The following RORA variants were observed in gnomAD, a reference collection of about 807,000 sequenced individuals.
The protein encoded by RORA is RAR related orphan receptor A.
Under a neutral mutation model 69.5 loss-of-function variants are expected in RORA, and 7 were observed. The observed-to-expected ratio is 0.10, with a 90% CI of 0.06 to 0.19. The LOEUF is 0.19. Ranked by LOEUF, RORA falls within the 10% of genes least tolerant of loss-of-function variation. The pLI is 1.00. For synonymous variants in RORA, 261 were observed against 240.8 expected (o/e 1.08, Z -0.78); for missense variants, 457 against 663.0 (o/e 0.69, Z 3.41).
intron 1 of RORA, among the ~76,000 whole-genome samples, chr15:60,733,851 G>A (rs2071460645): frequency 6.7e-6 from 1 of 148,664 alleles, no homozygotes; most frequent in Non-Finnish European, 1.5e-5. Context: ...TGGATGGGAA[G>A]TTGAGTTGCC....
chr15:60,585,362 A>AT (rs1223155204), intron 2 of RORA, among the ~76,000 whole-genome samples: 1 of 152,162 alleles, frequency 6.6e-6, no homozygotes, highest in African/African-American at 2.4e-5. Flanking sequence ...CCTCTATCTT[A>AT]TTTTTTAGGC....
chr15:61,009,143 AGCTCTTCAATGCCATC>A lies in RORA; in HGVS notation c.166+219894_166+219909del, dbSNP rs1566942082. ...GTGATTCATCACTTTGAGTATTAACAGCTCTTCAATGCCATCGCTGTTAGAAGAAGAAACTTGGTGT... is the reference window on the plus strand; with the variant it reads ...GTGATTCATCACTTTGAGTATTAACAGCTGTTAGAAGAAGAAACTTGGTGT... On this transcript the variant is annotated intron_variant, in intron 1 of 10. Coordinates refer to ENST00000335670, the MANE Select transcript of RORA (RefSeq NM_134261.3). Among the ~76,000 whole-genome samples, 4 of 152,344 alleles carry A rather than the reference AGCTCTTCAATGCCATC, an allele frequency of 2.6e-5. No homozygotes were observed. The East Asian group carries it at 7.7e-4, about 29-fold the overall frequency.
At position 60,597,611 on chromosome 15, in the gene RORA, T is replaced by C. The variant is rs1388006207; in HGVS notation, c.197-65760A>G. Among the ~76,000 whole-genome samples the C allele has an allele frequency of 4.0e-4, 18 of 44,594 alleles. 2 individuals are homozygous for C. The highest frequency in any genetic ancestry group is 2.1e-3 in the African/African-American group (18 of 8,676). 29.3% of individuals were successfully genotyped at this position (44,594 alleles called of 152,430 possible). On this transcript the variant is annotated intron_variant, in intron 2 of 10. Coordinates refer to ENST00000335670, the MANE Select transcript of RORA (RefSeq NM_134261.3). ...ATATATATACACATATATATATATA[T>C]ATATATACATACATATATATACATA...
At chr15:60,558,526 T>A (rs1250639345) in intron 2 of RORA, 1 of 435,592 alleles carries the variant, frequency 2.3e-6, no homozygotes, top group Non-Finnish European at 4.1e-6. Flanking sequence ...TAAATGCGTA[T>A]GTTTGATGTT....
chr15:60,609,230 C>T (rs539654763), intron 2 of RORA, among the ~76,000 whole-genome samples: 2 of 152,308 alleles, frequency 1.3e-5, no homozygotes, highest in South Asian at 4.2e-4. Context: ...CTCTGCTCCA[C>T]AGACCTTTGC....
chr15:60,555,836 G>C (rs187320563), intron 2 of RORA, among the ~76,000 whole-genome samples: 22 of 152,086 alleles, frequency 1.4e-4, no homozygotes, highest in African/African-American at 5.3e-4. Flanking sequence ...TCAAATGCTG[G>C]AAATGGTAGT....
At chr15:60,703,798 A>G (rs1434541235) in intron 1 of RORA, among the ~76,000 whole-genome samples, 1 of 152,098 alleles carries the variant, frequency 6.6e-6, no homozygotes, top group Non-Finnish European at 1.5e-5. Context: ...ATATATTGCC[A>G]GATACCTCAT....
rs115769724 is a variant in RORA at position 60,856,817 on chromosome 15, G to C, written c.167-178131C>G. On this transcript the variant is annotated intron_variant, in intron 1 of 10. Coordinates refer to ENST00000335670, the MANE Select transcript of RORA (RefSeq NM_134261.3). The stretch of plus-strand genomic sequence containing the variant: ...CCTGGACTGTCAGAAGCATGTGTTG[G>C]TAAGGACAGAGAGGGAGAAGGGGTG... Among the ~76,000 whole-genome samples, 485 of 152,310 alleles carry C rather than the reference G, an allele frequency of 3.2e-3. 5 individuals are homozygous for C. The highest frequency in any genetic ancestry group is 0.011 in the African/African-American group (460 of 41,570).
rs2070903510 is a variant in RORA at position 60,696,275 on chromosome 15, G to A, written c.167-17589C>T. Among the ~76,000 whole-genome samples, 3 of 152,220 alleles carry A rather than the reference G, an allele frequency of 2.0e-5. No homozygotes were observed. In the South Asian group the frequency reaches 6.2e-4, roughly 32 times the overall value. On this transcript the variant is annotated intron_variant, in intron 1 of 10. Transcript: ENST00000335670. Reference sequence around the variant, plus strand: ...ACAGCCACGGAGCCGAGTAAAATATGTATAGGATCCAGGGGGAATCGGTCC... The same window carrying A: ...ACAGCCACGGAGCCGAGTAAAATATATATAGGATCCAGGGGGAATCGGTCC...
chr15:60,849,696 T>C (rs1323876459), intron 1 of RORA, among the ~76,000 whole-genome samples: 2 of 152,192 alleles, frequency 1.3e-5, no homozygotes, highest in Admixed American at 6.5e-5. Flanking sequence ...ATTTCTGTGG[T>C]GTAAATATTC....
intron 1 of RORA, among the ~76,000 whole-genome samples, chr15:61,113,389 T>A (rs1241182759): frequency 1.2e-4 from 18 of 152,150 alleles, no homozygotes; most frequent in Non-Finnish European, 2.9e-5. Flanking sequence ...GACCTGAACT[T>A]TGATTCTGAG....
chr15:60,506,364 A>T (rs1201712775), intron 5 of RORA, among the ~76,000 whole-genome samples: 4 of 152,240 alleles, frequency 2.6e-5, no homozygotes, highest in African/African-American at 9.6e-5. Flanking sequence ...GCTACAGAAT[A>T]TTAGTTATTA....
chr15:61,010,376 T>C (rs1895047481), intron 1 of RORA, among the ~76,000 whole-genome samples: 1 of 152,180 alleles, frequency 6.6e-6, no homozygotes, highest in Non-Finnish European at 1.5e-5. Context: ...TAAGAATCCA[T>C]ATCTAAGACG....
At chr15:60,805,543 G>T (rs1018645119) in intron 1 of RORA, among the ~76,000 whole-genome samples, 1 of 152,192 alleles carries the variant, frequency 6.6e-6, no homozygotes, top group Admixed American at 6.5e-5. Context: ...CTATATGTAG[G>T]ATAGAATAAC....
intron 1 of RORA, among the ~76,000 whole-genome samples, chr15:60,987,634 G>T (rs781275194): frequency 7.9e-5 from 12 of 152,156 alleles, no homozygotes; most frequent in Admixed American, 1.3e-4. Flanking sequence ...ACATTTTGGG[G>T]ATTTCATCGT....
At chr15:60,751,995 C>T (rs2071729570) in intron 1 of RORA, among the ~76,000 whole-genome samples, 1 of 152,064 alleles carries the variant, frequency 6.6e-6, no homozygotes, top group South Asian at 2.1e-4. Context: ...ATGCATTTAA[C>T]CTATCTCCAG....
At chr15:60,880,887 G>T (rs1001578542) in intron 1 of RORA, among the ~76,000 whole-genome samples, 3 of 152,060 alleles carry the variant, frequency 2.0e-5, no homozygotes, top group Admixed American at 6.5e-5. Flanking sequence ...TTTTCTTAGG[G>T]TATGCCTTGC....
intron 1 of RORA, among the ~76,000 whole-genome samples, chr15:61,124,532 G>A (rs897803620): frequency 6.6e-6 from 1 of 152,242 alleles, no homozygotes; most frequent in Non-Finnish European, 1.5e-5. Flanking sequence ...TTTCTAGCCA[G>A]AGAATCCCAA....
chr15:60,910,702 T>G (rs1407861353), intron 1 of RORA, among the ~76,000 whole-genome samples: 2 of 152,208 alleles, frequency 1.3e-5, no homozygotes, highest in East Asian at 3.8e-4. Flanking sequence ...CCATCTCATT[T>G]TCTCCATGGA....
Sources: allele counts gnomAD v4.1 joint callset (sites outside exome capture counted in the v4.1 genomes callset), GRCh38; gene constraint gnomAD v4.1.1; transcripts MANE v1.5; gene names NCBI Gene and HGNC (gene_info 2026-07-23, HGNC 2026-07-21).